Variants in CHN1 observed in about 807,000 individuals in gnomAD.
The protein encoded by CHN1 is chimerin 1.
CHN1 carries 37 observed loss-of-function variants against 59.5 expected under a neutral mutation model. That is an observed-to-expected ratio of 0.62 (90% CI 0.48 to 0.82). CHN1 has a LOEUF of 0.82. CHN1 is among the 40% of genes least tolerant of loss of function. The probability of loss-of-function intolerance (pLI) is 0.00; values close to 1 mark genes in which losing one functional copy is unlikely to be tolerated. For synonymous variants in CHN1, 206 were observed against 200.4 expected (o/e 1.03, Z -0.24); for missense variants, 469 against 571.0 (o/e 0.82, Z 1.82).
chr2:174,822,438 G>T (rs1157822543), intron 8 of CHN1, among the ~76,000 whole-genome samples: 2 of 152,186 alleles, frequency 1.3e-5, no homozygotes, highest in South Asian at 4.2e-4. Flanking sequence ...TTATTCATAG[G>T]TGCTGTACCT....
intron 5 of CHN1, among the ~76,000 whole-genome samples, chr2:174,898,615 G>T (rs1265260358): frequency 1.3e-5 from 2 of 152,020 alleles, no homozygotes; most frequent in Non-Finnish European, 2.9e-5. Flanking sequence ...AAAAAACAAA[G>T]AAATTGTCGC....
At chr2:174,945,097 C>T in intron 2 of CHN1, 154 bp from the exon 3 acceptor site, 1 of 571,182 alleles carries the variant, frequency 1.8e-6, no homozygotes, top group East Asian at 2.9e-5. Context: ...AAAAAGTAAA[C>T]AAAACTACAT....
At chr2:174,986,397 G>C (rs1014320729) in intron 1 of CHN1, among the ~76,000 whole-genome samples, 3 of 152,196 alleles carry the variant, frequency 2.0e-5, no homozygotes, top group African/African-American at 7.2e-5. Flanking sequence ...TCCACCATAT[G>C]TGTATGCCTA....
intron 11 of CHN1, among the ~76,000 whole-genome samples, chr2:174,807,356 C>T (rs1684916606): frequency 6.6e-6 from 1 of 152,050 alleles, no homozygotes; most frequent in Non-Finnish European, 1.5e-5. Context: ...TTCAGTTTTA[C>T]TTCCAGAGTG....
chr2:174,847,185 T>C lies in CHN1; in HGVS notation c.550-228A>G, dbSNP rs1279996808. 7 of 1,503,770 alleles carry C rather than the reference T, an allele frequency of 4.7e-6. No homozygotes were observed. In the Admixed American group the frequency reaches 1.6e-4, roughly 34 times the overall value. 93.2% of individuals were successfully genotyped at this position (1,503,770 alleles called of 1,614,324 possible). A position where few individuals can be genotyped will look rare whatever the true frequency, so the allele number is the denominator to read the frequency against. On this transcript the variant is annotated intron_variant, in intron 6 of 12. Transcript: ENST00000409900. ...TAGTGGTCTATGTCTGTCGATGATATCTATTCAGCTAACACATGAGCATTC... is the reference window on the plus strand; with the variant it reads ...TAGTGGTCTATGTCTGTCGATGATACCTATTCAGCTAACACATGAGCATTC...
At chr2:174,994,122 T>C (rs1467891935) in intron 1 of CHN1, among the ~76,000 whole-genome samples, 5 of 152,188 alleles carry the variant, frequency 3.3e-5, no homozygotes, top group South Asian at 2.1e-4. Flanking sequence ...AAATGAACAA[T>C]AGTTTAATGA....
At chr2:174,945,538 C>T (rs1689802264) in intron 2 of CHN1, among the ~76,000 whole-genome samples, 1 of 152,118 alleles carries the variant, frequency 6.6e-6, no homozygotes, top group Non-Finnish European at 1.5e-5. Flanking sequence ...TTTAGGGCAT[C>T]TGAAAATGCA....
intron 3 of CHN1, among the ~76,000 whole-genome samples, chr2:174,944,283 A>G (rs747249072): frequency 1.3e-5 from 2 of 152,202 alleles, no homozygotes; most frequent in Non-Finnish European, 2.9e-5. Flanking sequence ...AAATTCTCAT[A>G]AAGTTATAGT....
chr2:174,994,778 T>C lies in CHN1; in HGVS notation c.19+10116A>G, dbSNP rs550507453. On this transcript the variant is annotated intron_variant, in intron 1 of 12. Transcript: ENST00000409900. ...ATTTTTTCTGGAAAGTAGCCCAGCA[T>C]GGCTGAAGCACAGTCTCTAAGTGGG... 2.0e-5 allele frequency among the ~76,000 whole-genome samples: 3 copies of C among 152,330 alleles called. No individual in the cohort carries two copies. The South Asian group carries it at 6.2e-4, about 32-fold the overall frequency.
chr2:174,834,194 C>T (rs140698666), intron 7 of CHN1, among the ~76,000 whole-genome samples: 141 of 152,308 alleles, frequency 9.3e-4, no homozygotes, highest in African/African-American at 3.2e-3. Context: ...AATATACTTC[C>T]ACTTCCCCCA....
intron 1 of CHN1, among the ~76,000 whole-genome samples, chr2:174,971,178 C>T (rs1690746327): frequency 6.6e-6 from 1 of 152,010 alleles, no homozygotes; most frequent in Non-Finnish European, 1.5e-5. Context: ...ATAAGCCGAG[C>T]ATGGTGGTGG....
intron 1 of CHN1, among the ~76,000 whole-genome samples, chr2:174,957,996 T>G (rs1690268241): frequency 6.6e-6 from 1 of 152,014 alleles, no homozygotes; most frequent in Non-Finnish European, 1.5e-5. Flanking sequence ...ATATCCCACG[T>G]GGATCATCAC....
At chr2:174,852,288 AAAAC>A (rs1686757830) in intron 6 of CHN1, among the ~76,000 whole-genome samples, 1 of 152,134 alleles carries the variant, frequency 6.6e-6, no homozygotes, top group African/African-American at 2.4e-5. Flanking sequence ...CTGTCTCAAA[AAAAC>A]AAACAAAACC....
intron 1 of CHN1, among the ~76,000 whole-genome samples, chr2:174,965,088 T>C (rs1308309286): frequency 6.6e-6 from 1 of 152,116 alleles, no homozygotes; most frequent in Non-Finnish European, 1.5e-5. Flanking sequence ...TTATAGTTAC[T>C]TAGGAGATAC....
At chr2:174,892,957 G>A (rs1253381484) in intron 5 of CHN1, among the ~76,000 whole-genome samples, 4 of 152,104 alleles carry the variant, frequency 2.6e-5, no homozygotes, top group Non-Finnish European at 5.9e-5. Context: ...ACTGGGAATA[G>A]AAGGAAATTA....
At chr2:175,000,146 T>G (rs1354156133) in intron 1 of CHN1, among the ~76,000 whole-genome samples, 5 of 149,250 alleles carry the variant, frequency 3.4e-5, no homozygotes, top group South Asian at 2.2e-4. Context: ...AATTTTTTTT[T>G]TTTTTTTTTT....
intron 1 of CHN1, among the ~76,000 whole-genome samples, chr2:174,994,484 T>A (rs1201878625): frequency 6.6e-6 from 1 of 152,070 alleles, no homozygotes; most frequent in East Asian, 1.9e-4. Context: ...TGGCGGTTGT[T>A]AAATATACAA....
chr2:174,824,418 A>T lies in CHN1; in HGVS notation c.712+16T>A. On this transcript the variant is annotated intron_variant, in intron 8 of 12. Transcript: ENST00000409900. ...TCACAACTGACTCAATCCAGAGACA[A>T]GACAAGAGCTCTTACCTGCACATTT... 1 of 1,583,852 alleles carries T rather than the reference A, an allele frequency of 6.3e-7. No homozygotes were observed. The highest frequency in any genetic ancestry group is 8.6e-7 in the Non-Finnish European group (1 of 1,162,804).
In CHN1 at chr2:175,005,108, T is replaced by C. The variant is rs1054409864; in HGVS notation, c.-196A>G. On this transcript the variant is annotated 5_prime_UTR_variant, in exon 1 of 13. Coordinates refer to ENST00000409900, the MANE Select transcript of CHN1 (RefSeq NM_001822.7). ...GCAAGAAAAAGTTATTCACGCGTTA[T>C]TGTCGGGCGCACCGGGCCCAGGGAG... The C allele has an allele frequency of 2.4e-5, 31 of 1,307,850 alleles. No individual in the cohort carries two copies. In the Admixed American group the frequency reaches 5.9e-4, roughly 25 times the overall value. The allele number at this position is 1,307,850 out of a possible 1,614,324, so 81.0% of individuals were successfully genotyped here. A position where few individuals can be genotyped will look rare whatever the true frequency, so the allele number is the denominator to read the frequency against.
Sources: allele counts gnomAD v4.1 joint callset (sites outside exome capture counted in the v4.1 genomes callset), GRCh38; gene constraint gnomAD v4.1.1; transcripts MANE v1.5; gene names NCBI Gene and HGNC (gene_info 2026-07-23, HGNC 2026-07-21).